Variants in CNIH3 observed in about 807,000 individuals in gnomAD.
The protein encoded by CNIH3 is cornichon family AMPA receptor auxiliary protein 3.
In CNIH3, 14 loss-of-function variants were observed where a neutral mutation model predicts 24.1. The ratio of observed to expected loss-of-function variants is 0.58; its 90% confidence interval spans 0.38 to 0.91. The LOEUF is 0.91. CNIH3 is among the 40% of genes least tolerant of loss of function. CNIH3 has a pLI of 0.00. For missense variants in CNIH3, 178 were observed against 196.8 expected, an observed-to-expected ratio of 0.90 and a Z score of 0.57; for synonymous variants, 68 against 73.8, an observed-to-expected ratio of 0.92 and a Z score of 0.40.
At chr1:224,557,810 A>G (rs1335406856) in intron 3 of CNIH3, among the ~76,000 whole-genome samples, 4 of 152,180 alleles carry the variant, frequency 2.6e-5, no homozygotes, top group African/African-American at 4.8e-5. Flanking sequence ...GGATATGTTC[A>G]TACTCATTTT....
intron 5 of CNIH3, 31 bp from the exon 6 acceptor site, chr1:224,739,298 T>A: frequency 3.4e-6 from 1 of 296,406 alleles, no homozygotes; most frequent in Non-Finnish European, 5.7e-6. Flanking sequence ...TTCCTCTCTT[T>A]TTTTTTTTTT....
In CNIH3 at chr1:224,438,108, T is replaced by C. The variant is rs377382170; in HGVS notation, n.203+3246T>C. Among the ~76,000 whole-genome samples, 18 of 152,220 alleles carry C rather than the reference T, an allele frequency of 1.2e-4. No homozygotes were observed. The East Asian group carries it at 2.5e-3, about 21-fold the overall frequency. On this transcript the variant is annotated intron_variant and non_coding_transcript_variant, in intron 1 of 5. Coordinates refer to the CNIH3 transcript ENST00000471578. ...TTTGTATTATTATTATTATTTTTAG[T>C]AGAGACGGGGTTTCACCGTGTTAGC...
chr1:224,512,247 G>A (rs566507703), upstream of CNIH3, among the ~76,000 whole-genome samples: 123 of 152,292 alleles, frequency 8.1e-4, no homozygotes, highest in Non-Finnish European at 1.2e-3. Context: ...ACTTTGAGAG[G>A]CCAAGGCAGA....
At chr1:224,639,507 G>A (rs1684253282) in intron 1 of CNIH3, among the ~76,000 whole-genome samples, 1 of 152,242 alleles carries the variant, frequency 6.6e-6, no homozygotes, top group Non-Finnish European at 1.5e-5. Flanking sequence ...GCAAGAAGGT[G>A]ATAATAGCTT....
chr1:224,647,040 G>A (rs545628700), intron 1 of CNIH3, among the ~76,000 whole-genome samples: 28 of 152,246 alleles, frequency 1.8e-4, no homozygotes, highest in African/African-American at 5.8e-4. Context: ...AAGCCAGGGC[G>A]CAGTGGTGCA....
chr1:224,689,317 A>G (rs915788872), intron 3 of CNIH3, among the ~76,000 whole-genome samples: 2 of 152,212 alleles, frequency 1.3e-5, no homozygotes, highest in Non-Finnish European at 2.9e-5. Context: ...TGTGCAATGC[A>G]TATTAAATGT....
chr1:224,629,890 T>G (rs529148033), intron 1 of CNIH3, among the ~76,000 whole-genome samples: 2 of 152,288 alleles, frequency 1.3e-5, no homozygotes, highest in South Asian at 4.2e-4. Context: ...CTACATTTCT[T>G]AGAAACTTCA....
intron 5 of CNIH3, among the ~76,000 whole-genome samples, chr1:224,738,471 A>G (rs1689707011): frequency 6.6e-6 from 1 of 152,114 alleles, no homozygotes; most frequent in Non-Finnish European, 1.5e-5. Flanking sequence ...AACTTGAGCT[A>G]CTCAGAGGAG....
At chr1:224,460,474 CAT>C (rs1675864238) in intron 1 of CNIH3, among the ~76,000 whole-genome samples, 2 of 152,198 alleles carry the variant, frequency 1.3e-5, no homozygotes, top group Non-Finnish European at 2.9e-5. Flanking sequence ...TAAATGGAAT[CAT>C]AGAGTACGTG....
At chr1:224,737,790 C>G (rs1224711584) in intron 5 of CNIH3, among the ~76,000 whole-genome samples, 1 of 152,208 alleles carries the variant, frequency 6.6e-6, no homozygotes. Context: ...AGAGCCTGTG[C>G]TCTTTCTTCT....
intron 3 of CNIH3, among the ~76,000 whole-genome samples, chr1:224,594,999 C>T (rs1681918451): frequency 1.3e-5 from 2 of 152,200 alleles, no homozygotes; most frequent in Admixed American, 6.5e-5. Context: ...GCAAGTCTGT[C>T]AGCACCATTT....
In CNIH3 at chr1:224,490,438, C is replaced by T. The variant is rs568245268; in HGVS notation, n.204-25303C>T. Among the ~76,000 whole-genome samples the T allele has an allele frequency of 5.7e-4, 87 of 152,250 alleles. 1 individual carries two copies. The highest frequency in any genetic ancestry group is 3.4e-3 in the Middle Eastern group (1 of 294). On this transcript the variant is annotated intron_variant and non_coding_transcript_variant, in intron 1 of 5. Transcript: ENST00000471578. The stretch of plus-strand genomic sequence containing the variant: ...TGCAAAGTGGTTTTCTCCCTCTGCT[C>T]CCCCATGGGATGTGGCCCAGGAGGG...
chr1:224,648,083 G>A (rs1444138678), intron 1 of CNIH3, among the ~76,000 whole-genome samples: 2 of 152,160 alleles, frequency 1.3e-5, no homozygotes, highest in East Asian at 3.8e-4. Context: ...GCCATGTCCA[G>A]GAGGGAGTGA....
chr1:224,736,773 A>G (rs1689613034), intron 5 of CNIH3, among the ~76,000 whole-genome samples: 3 of 152,196 alleles, frequency 2.0e-5, no homozygotes, highest in Non-Finnish European at 4.4e-5. Context: ...CAGTGGGTTC[A>G]CCTAAGTCTT....
At chr1:224,567,342 T>C (rs1198166852) in intron 4 of CNIH3, among the ~76,000 whole-genome samples, 1 of 152,252 alleles carries the variant, frequency 6.6e-6, no homozygotes, top group African/African-American at 2.4e-5. Context: ...GATGATAATT[T>C]CTTTTACTGT....
At chr1:224,642,128 G>A (rs1022530717) in intron 1 of CNIH3, among the ~76,000 whole-genome samples, 13 of 152,160 alleles carry the variant, frequency 8.5e-5, no homozygotes, top group Non-Finnish European at 4.4e-5. Flanking sequence ...TGAAGGATGG[G>A]TACCACCATA....
At chr1:224,644,492 G>C (rs114183296) in intron 1 of CNIH3, among the ~76,000 whole-genome samples, 1 of 152,142 alleles carries the variant, frequency 6.6e-6, no homozygotes, top group Non-Finnish European at 1.5e-5. Flanking sequence ...TGTCTGAGGC[G>C]ATGTCTGGCT....
At chr1:224,539,510 T>C (rs537292981), downstream of CNIH3, among the ~76,000 whole-genome samples, 1 of 152,370 alleles carries the variant, frequency 6.6e-6, no homozygotes, top group East Asian at 1.9e-4. Context: ...CAGATAGTTT[T>C]ACCTCCTCAG....
At chr1:224,551,280 T>C (rs976601285) in intron 3 of CNIH3, among the ~76,000 whole-genome samples, 2 of 152,298 alleles carry the variant, frequency 1.3e-5, no homozygotes, top group East Asian at 1.9e-4. Flanking sequence ...CATATGTTTA[T>C]TGCGGCATGA....
Sources: gnomAD v4.1 joint callset for allele counts (sites outside exome capture counted in the v4.1 genomes callset) on GRCh38, gnomAD v4.1.1 for gene constraint, MANE v1.5 for transcripts, NCBI Gene and HGNC (gene_info 2026-07-23, HGNC 2026-07-21) for gene names.